Variants in WDR70 observed in about 807,000 individuals in gnomAD.
WDR70 encodes the protein WD repeat domain 70.
In WDR70, 53 loss-of-function variants were observed where a neutral mutation model predicts 88.6. The observed-to-expected ratio is 0.60, with a 90% confidence interval of 0.48 to 0.75. WDR70 has a LOEUF of 0.75. WDR70 is among the 30% of genes least tolerant of loss of function. WDR70 has a pLI of 0.00. For missense variants in WDR70, 610 were observed against 823.2 expected (o/e 0.74, Z 3.17); for synonymous variants, 280 against 270.0 (o/e 1.04, Z -0.36).
chr5:37,633,912 G>T (rs557162510), intron 10 of WDR70, among the ~76,000 whole-genome samples: 2 of 152,052 alleles, frequency 1.3e-5, no homozygotes, highest in African/African-American at 4.8e-5. Flanking sequence ...GATAGTGATC[G>T]CCAGTTTGTG....
intron 10 of WDR70, among the ~76,000 whole-genome samples, chr5:37,694,460 A>G (rs2112645034): frequency 6.6e-6 from 1 of 152,296 alleles, no homozygotes; most frequent in African/African-American, 2.4e-5. Flanking sequence ...AATGTCCATC[A>G]ATGGTAGACT....
intron 10 of WDR70, among the ~76,000 whole-genome samples, chr5:37,678,527 A>G (rs1746308878): frequency 2.0e-5 from 3 of 152,186 alleles, no homozygotes; most frequent in African/African-American, 7.2e-5. Context: ...CTGGGTTGAA[A>G]ATTCTTTTCT....
chr5:37,418,511 G>A (rs1020738011), intron 5 of WDR70, among the ~76,000 whole-genome samples: 5 of 151,908 alleles, frequency 3.3e-5, no homozygotes, highest in African/African-American at 1.2e-4. Context: ...TAGTAGAGAC[G>A]GGGTTTCACC....
intron 17 of WDR70, among the ~76,000 whole-genome samples, chr5:37,746,834 G>A (rs1023041843): frequency 2.0e-5 from 3 of 152,178 alleles, no homozygotes; most frequent in Admixed American, 2.0e-4. Flanking sequence ...AATTCTACCG[G>A]AAGTACAAAG....
chr5:37,707,921 GAAAAAAAAAAAAA>G (rs1187436953), intron 13 of WDR70, among the ~76,000 whole-genome samples: 7 of 15,138 alleles, frequency 4.6e-4, no homozygotes, highest in South Asian at 5.6e-3. Context: ...CTCAAAAAAA[GAAAAAAAAAAAAA>G]AAAAAAAAAA....
intron 5 of WDR70, among the ~76,000 whole-genome samples, chr5:37,433,351 G>A (rs562500056): frequency 5.3e-5 from 8 of 152,268 alleles, no homozygotes; most frequent in African/African-American, 1.7e-4. Context: ...ATGAGCCACC[G>A]TGCCTGGCCT....
chr5:37,610,264 T>A (rs1744151705), intron 10 of WDR70, among the ~76,000 whole-genome samples: 6 of 106,904 alleles, frequency 5.6e-5, no homozygotes, highest in Non-Finnish European at 7.2e-5. Context: ...AGACTCCGTC[T>A]CAAAAAAAAA....
intron 8 of WDR70, among the ~76,000 whole-genome samples, chr5:37,482,550 A>G (rs1177218572): frequency 6.6e-6 from 1 of 152,188 alleles, no homozygotes; most frequent in African/African-American, 2.4e-5. Context: ...AGTTATCTGC[A>G]CCTGGCCCCA....
At chr5:37,383,718 T>A (rs1354486080) in intron 3 of WDR70, among the ~76,000 whole-genome samples, 4 of 152,160 alleles carry the variant, frequency 2.6e-5, no homozygotes, top group Non-Finnish European at 5.9e-5. Flanking sequence ...TAGCTGGGAC[T>A]ACAGGTGCCT....
intron 9 of WDR70, among the ~76,000 whole-genome samples, chr5:37,589,006 A>T (rs1743444647): frequency 6.6e-6 from 1 of 151,540 alleles, no homozygotes; most frequent in African/African-American, 2.4e-5. Context: ...CTTGTGATTC[A>T]CCCACCTTGG....
chr5:37,427,402 A>T (rs1193379696), intron 5 of WDR70, among the ~76,000 whole-genome samples: 1 of 143,910 alleles, frequency 6.9e-6, no homozygotes, highest in Non-Finnish European at 1.5e-5. Context: ...AATAAAAAAT[A>T]AAAAAAAAAA....
At chr5:37,638,033 G>T (rs1416648649) in intron 10 of WDR70, among the ~76,000 whole-genome samples, 1 of 152,098 alleles carries the variant, frequency 6.6e-6, no homozygotes, top group Non-Finnish European at 1.5e-5. Flanking sequence ...CTGGAATCTG[G>T]CTGGGATCCG....
chr5:37,714,535 G>A (rs200848618), intron 13 of WDR70, among the ~76,000 whole-genome samples: 1 of 127,288 alleles, frequency 7.9e-6, no homozygotes. Flanking sequence ...TAGCCCCAGT[G>A]CCCCAGGCTC....
At chr5:37,413,671 G>A (rs974743345) in intron 5 of WDR70, among the ~76,000 whole-genome samples, 3 of 144,190 alleles carry the variant, frequency 2.1e-5, no homozygotes, top group South Asian at 2.2e-4. Flanking sequence ...GCAGTGAGCC[G>A]AGATCGCACC....
At chr5:37,383,046 C>T (rs1255463984) in intron 3 of WDR70, among the ~76,000 whole-genome samples, 1 of 149,960 alleles carries the variant, frequency 6.7e-6, no homozygotes, top group East Asian at 2.0e-4. Flanking sequence ...ATAAAATGGG[C>T]GACAAGAGCA....
At chr5:37,555,612 T>G (rs988273614) in intron 9 of WDR70, among the ~76,000 whole-genome samples, 1 of 152,214 alleles carries the variant, frequency 6.6e-6, no homozygotes, top group African/African-American at 2.4e-5. Flanking sequence ...GCTATAAGTA[T>G]AGTTTACCTA....
At chr5:37,407,338 C>T (rs948420526) in intron 5 of WDR70, among the ~76,000 whole-genome samples, 1 of 152,106 alleles carries the variant, frequency 6.6e-6, no homozygotes, top group African/African-American at 2.4e-5. Context: ...GCCTGATCAA[C>T]ATGGCGAAAC....
At chr5:37,744,323 G>A (rs1332493838) in intron 17 of WDR70, among the ~76,000 whole-genome samples, 1 of 140,032 alleles carries the variant, frequency 7.1e-6, no homozygotes, top group Non-Finnish European at 1.6e-5. Flanking sequence ...AGATGAAAAA[G>A]AGTCAACAAA....
chr5:37,453,663 C>T (rs1344471045), intron 7 of WDR70, among the ~76,000 whole-genome samples: 1 of 152,238 alleles, frequency 6.6e-6, no homozygotes, highest in Non-Finnish European at 1.5e-5. Context: ...TTTGGGGGGC[C>T]TGTTCCCAAC....
Sources: gnomAD v4.1 joint callset for allele counts (sites outside exome capture counted in the v4.1 genomes callset) on GRCh38, gnomAD v4.1.1 for gene constraint, MANE v1.5 for transcripts, NCBI Gene and HGNC (gene_info 2026-07-23, HGNC 2026-07-21) for gene names.